GRM7: variants seen among roughly 807,000 people sequenced by gnomAD.
The protein encoded by GRM7 is metabotropic glutamate receptor 7.
Under a neutral mutation model 84.5 loss-of-function variants are expected in GRM7, and 35 were observed. The observed-to-expected ratio is 0.41, with a 90% CI of 0.32 to 0.55. The LOEUF (loss-of-function observed/expected upper bound fraction) is 0.55, where lower values mean the gene tolerates loss of function less well. Among genes scored for constraint, GRM7 ranks in the 20% least tolerant of loss-of-function variants. GRM7 has a pLI of 0.19. For synonymous variants in GRM7, 487 were observed against 455.1 expected (o/e 1.07, Z -0.89); for missense variants, 1,003 against 1,194.6 (o/e 0.84, Z 2.36).
At chr3:6,960,530 A>G (rs985913037) in intron 1 of GRM7, among the ~76,000 whole-genome samples, 1 of 152,160 alleles carries the variant, frequency 6.6e-6, no homozygotes, top group Non-Finnish European at 1.5e-5. Flanking sequence ...AAATCCAAGC[A>G]TCCCAGGATT....
chr3:7,274,406 TA>T (rs1182577799), intron 2 of GRM7, among the ~76,000 whole-genome samples: 1 of 152,044 alleles, frequency 6.6e-6, no homozygotes, highest in East Asian at 1.9e-4. Context: ...TTCTTCTCTC[TA>T]AAAAAACTTT....
At chr3:6,956,465 T>C (rs1693053337) in intron 1 of GRM7, 1 of 440,318 alleles carries the variant, frequency 2.3e-6, no homozygotes, top group Middle Eastern at 3.4e-4. Context: ...GCCGGCACCA[T>C]GTTTTTCATT....
At chr3:7,294,168 C>T (rs114431737) in intron 2 of GRM7, among the ~76,000 whole-genome samples, 188 of 152,296 alleles carry the variant, frequency 1.2e-3, no homozygotes, top group African/African-American at 4.0e-3. Context: ...CCCTAGTGTA[C>T]ACCGGGTGAG....
At chr3:7,028,922 A>G (rs2124923811) in intron 1 of GRM7, among the ~76,000 whole-genome samples, 1 of 152,336 alleles carries the variant, frequency 6.6e-6, no homozygotes, top group Admixed American at 6.5e-5. Flanking sequence ...AAAAACTGGA[A>G]CCCTGTGCAC....
At chr3:7,255,111 A>C (rs1435127326) in intron 2 of GRM7, among the ~76,000 whole-genome samples, 2 of 152,320 alleles carry the variant, frequency 1.3e-5, no homozygotes, top group Admixed American at 6.5e-5. Context: ...TACAGGATCT[A>C]TGTTCACTGA....
At chr3:7,613,553 C>T (rs905098017) in intron 8 of GRM7, among the ~76,000 whole-genome samples, 1 of 152,166 alleles carries the variant, frequency 6.6e-6, no homozygotes, top group Non-Finnish European at 1.5e-5. Flanking sequence ...ATCTTCCCAA[C>T]GTACAGAGTT....
At chr3:7,675,276 G>A (rs927002908) in intron 8 of GRM7, among the ~76,000 whole-genome samples, 7 of 152,068 alleles carry the variant, frequency 4.6e-5, no homozygotes, top group Non-Finnish European at 8.8e-5. Flanking sequence ...GAATATTCTG[G>A]TTTTCAAAGT....
Position 7,385,289 on chromosome 3 carries a change from ATTTTTTTTTTTTT to A in GRM7, c.1034-29717_1034-29705del, listed in dbSNP as rs574917994. On this transcript the variant is annotated intron_variant, in intron 4 of 9. Transcript: ENST00000357716. The stretch of plus-strand genomic sequence containing the variant: ...TTTGTGGAATCTTATTTCTATATGG[ATTTTTTTTTTTTT>A]TTTTTTTTTTTTTTTTAAGACAGAG... Among the ~76,000 whole-genome samples, 543 of 67,306 alleles carry A rather than the reference ATTTTTTTTTTTTT, an allele frequency of 8.1e-3. 4 individuals carry two copies. Among genetic ancestry groups the A allele is most frequent in the Middle Eastern group, 0.029 (2 of 70 alleles). The allele number at this position is 67,306 out of a possible 152,430, so 44.2% of individuals were successfully genotyped here. A position where few individuals can be genotyped will look rare whatever the true frequency, so the allele number is the denominator to read the frequency against.
At chr3:7,274,263 T>G (rs1698971442) in intron 2 of GRM7, among the ~76,000 whole-genome samples, 1 of 152,166 alleles carries the variant, frequency 6.6e-6, no homozygotes, top group Non-Finnish European at 1.5e-5. Flanking sequence ...TTGTTGCTAT[T>G]ATTTTGAACT....
chr3:7,323,316 T>G (rs947234053), intron 4 of GRM7, among the ~76,000 whole-genome samples: 1 of 152,112 alleles, frequency 6.6e-6, no homozygotes, highest in African/African-American at 2.4e-5. Context: ...ACTTTTACTT[T>G]GAAAGGTTAG....
At chr3:7,726,695 G>A (rs1311314220) in intron 9 of GRM7, among the ~76,000 whole-genome samples, 7 of 125,416 alleles carry the variant, frequency 5.6e-5, no homozygotes, top group Admixed American at 2.7e-4. Context: ...TTATAAGCAA[G>A]TTGCACACAT....
chr3:7,436,087 T>G (rs1172839120), intron 5 of GRM7, among the ~76,000 whole-genome samples: 4 of 152,088 alleles, frequency 2.6e-5, no homozygotes, highest in Non-Finnish European at 5.9e-5. Flanking sequence ...GCTCAGGTGA[T>G]CCACCTGCCT....
At chr3:7,262,938 T>A (rs2124962153) in intron 2 of GRM7, among the ~76,000 whole-genome samples, 1 of 424 alleles carries the variant, frequency 2.4e-3, no homozygotes. Flanking sequence ...CTACAGGTGA[T>A]CCACCCACCA....
At chr3:7,172,216 A>G (rs1695006467) in intron 2 of GRM7, among the ~76,000 whole-genome samples, 1 of 151,998 alleles carries the variant, frequency 6.6e-6, no homozygotes. Flanking sequence ...ATTTTTTTTT[A>G]AGTAACAAAA....
At chr3:7,095,888 T>A (rs57188628) in intron 1 of GRM7, among the ~76,000 whole-genome samples, 26,099 of 152,040 alleles carry the variant, frequency 0.17, 2,309 homozygotes, top group South Asian at 0.2. Flanking sequence ...AAGAAGCCTA[T>A]GAGAAAAATA....
At chr3:7,447,942 T>C (rs1697593630) in intron 5 of GRM7, among the ~76,000 whole-genome samples, 3 of 127,532 alleles carry the variant, frequency 2.4e-5, no homozygotes, top group Admixed American at 1.9e-4. Flanking sequence ...ATGTTCCCCT[T>C]CCTGTGTCCA....
chr3:6,928,145 T>C lies in GRM7; in HGVS notation c.519+66238T>C, dbSNP rs1697378373. 6.6e-6 allele frequency among the ~76,000 whole-genome samples: 1 copy of C among 152,064 alleles called. No individual in the cohort carries two copies. The highest frequency in any genetic ancestry group is 2.4e-5 in the African/African-American group (1 of 41,396). ...GGTAGGTATTTTAACACATCCCTCA[T>C]TGATCCTGTTGCCTCTTCCAAGCAC... On this transcript the variant is annotated intron_variant, in intron 1 of 9. Transcript: ENST00000357716. This position sits in a 1 kb window ranked among gnomAD's most constrained non-coding sequence, Gnocchi z 4.5.
At chr3:7,398,497 T>C (rs546757462) in intron 4 of GRM7, among the ~76,000 whole-genome samples, 1 of 152,212 alleles carries the variant, frequency 6.6e-6, no homozygotes, top group East Asian at 1.9e-4. Context: ...CCCTAAGATA[T>C]GGCAAGTTTC....
In GRM7 at chr3:7,405,753, A is replaced by G. The variant is rs1695648004; in HGVS notation, c.1034-9270A>G. Among the ~76,000 whole-genome samples, 3 of 152,214 alleles carry G rather than the reference A, an allele frequency of 2.0e-5. 1 individual carries two copies. In the South Asian group the frequency reaches 6.2e-4, roughly 32 times the overall value. ...ATACATATTTTTTGTTTTATGTGGC[A>G]TGTGTCTGTGTTTTGCTTTATAGAT... On this transcript the variant is annotated intron_variant, in intron 4 of 9. Transcript: ENST00000357716.
Sources: gnomAD v4.1 joint callset for allele counts (sites outside exome capture counted in the v4.1 genomes callset) on GRCh38, gnomAD v4.1.1 for gene constraint, Gnocchi (gnomAD v3.1) non-coding constraint, MANE v1.5 for transcripts, NCBI Gene and HGNC (gene_info 2026-07-23, HGNC 2026-07-21) for gene names.